Variants in CERT1 observed in about 807,000 individuals in gnomAD.
CERT1 encodes ceramide transfer protein.
A neutral mutation model predicts 87.9 loss-of-function variants in CERT1; 31 were observed. That is an observed-to-expected ratio of 0.35 (90% CI 0.27 to 0.48). The LOEUF is 0.48. Ranked by LOEUF, CERT1 falls within the 20% of genes least tolerant of loss-of-function variation. The pLI is 0.99. For missense variants in CERT1, 487 were observed against 758.0 expected, an observed-to-expected ratio of 0.64 and a Z score of 4.20; for synonymous variants, 289 against 250.9, an observed-to-expected ratio of 1.15 and a Z score of -1.44.
At chr5:75,488,639 A>G (rs1236037971) in intron 2 of CERT1, among the ~76,000 whole-genome samples, 1 of 151,818 alleles carries the variant, frequency 6.6e-6, no homozygotes, top group Non-Finnish European at 1.5e-5. Context: ...CTTGATCCAC[A>G]TTTTTTTTCT....
chr5:75,477,463 T>C (rs1580826177), intron 2 of CERT1, among the ~76,000 whole-genome samples: 1 of 151,852 alleles, frequency 6.6e-6, no homozygotes, highest in South Asian at 2.1e-4. Flanking sequence ...ATGAAAGACA[T>C]GAACTATGAT....
chr5:75,504,215 TTGATATGAATAATGATC>T (rs368679991), intron 2 of CERT1, among the ~76,000 whole-genome samples: 1 of 152,170 alleles, frequency 6.6e-6, no homozygotes, highest in African/African-American at 2.4e-5. Context: ...ATTCTGTCCA[TTGATATGAATAATGATC>T]TATCTCGGAA....
chr5:75,472,340 G>C (rs1765753154), intron 2 of CERT1, among the ~76,000 whole-genome samples: 1 of 152,156 alleles, frequency 6.6e-6, no homozygotes, highest in Non-Finnish European at 1.5e-5. Flanking sequence ...GAAAGCACAG[G>C]AGCAATGCTC....
At chr5:75,404,722 A>G (rs1762636012) in intron 8 of CERT1, among the ~76,000 whole-genome samples, 1 of 152,168 alleles carries the variant, frequency 6.6e-6, no homozygotes, top group Non-Finnish European at 1.5e-5. Flanking sequence ...GCATTTAAAA[A>G]TTCTGGCCAA....
rs150694323 is a variant in CERT1, at chr5:75,380,342, C to T, written c.1747+730G>A. Among the ~76,000 whole-genome samples the T allele has an allele frequency of 6.4e-4, 98 of 152,256 alleles. 1 individual carries two copies. The highest frequency in any genetic ancestry group is 2.3e-3 in the African/African-American group (95 of 41,566). ...ATGTCAAAGAGAAATAAATATGTAA[C>T]TAGCAACTAATAAGGACTAGGGGAA... On this transcript the variant is annotated intron_variant, in intron 16 of 16. Coordinates refer to ENST00000643780, the MANE Select transcript of CERT1 (RefSeq NM_001379029.1).
At chr5:75,423,529 C>G (rs1000464844) in intron 5 of CERT1, among the ~76,000 whole-genome samples, 3 of 152,112 alleles carry the variant, frequency 2.0e-5, no homozygotes, top group African/African-American at 7.2e-5. Flanking sequence ...CCCTTGAGGC[C>G]AGGAGTTTAA....
At chr5:75,437,536 C>A (rs1458919279) in intron 3 of CERT1, among the ~76,000 whole-genome samples, 1 of 151,984 alleles carries the variant, frequency 6.6e-6, no homozygotes, top group Non-Finnish European at 1.5e-5. Context: ...GAGGCCAAGG[C>A]AGGTGGATTA....
intron 7 of CERT1, among the ~76,000 whole-genome samples, chr5:75,412,893 CATTT>C (rs1486684743): frequency 6.6e-6 from 1 of 152,140 alleles, no homozygotes. Flanking sequence ...GGCTACACTA[CATTT>C]ATTTAAAAAT....
At chr5:75,504,757 T>C (rs1317650928) in intron 2 of CERT1, among the ~76,000 whole-genome samples, 1 of 151,918 alleles carries the variant, frequency 6.6e-6, no homozygotes, top group African/African-American at 2.4e-5. Flanking sequence ...AACACTTTTT[T>C]TTTTTTTTTT....
rs1762918967 is a variant in CERT1 at position 75,411,119 on chromosome 5, G to A, written c.838-16C>T. On this transcript the variant is annotated splice_polypyrimidine_tract_variant and intron_variant, in intron 7 of 16. Coordinates refer to ENST00000643780, the MANE Select transcript of CERT1 (RefSeq NM_001379029.1). ...TCTCAGTTTCCTATTAAAAAGAAGT[G>A]AAAAATCTGTAATTTGAGGCAGGCA... is the stretch of plus-strand genomic sequence containing the variant. 7.1e-7 allele frequency: 1 copy of A among 1,399,144 alleles called. No homozygotes were observed. Among genetic ancestry groups the A allele is most frequent in the Admixed American group, 2.1e-5 (1 of 48,760 alleles). The allele number at this position is 1,399,144 out of a possible 1,614,324, so 86.7% of individuals were successfully genotyped here.
At chr5:75,408,006 T>G (rs1762784323) in intron 8 of CERT1, among the ~76,000 whole-genome samples, 1 of 152,094 alleles carries the variant, frequency 6.6e-6, no homozygotes, top group Admixed American at 6.6e-5. Context: ...TCTCTAGAAC[T>G]TTTTCATCTT....
At chr5:75,372,828 G>T (rs146081020), downstream of CERT1, 2 of 152,076 alleles carry the variant, frequency 1.3e-5, no homozygotes, top group Non-Finnish European at 2.9e-5. Context: ...ATGATTTTCC[G>T]CTTTACAAAA....
chr5:75,496,996 T>C (rs564577448), intron 2 of CERT1, among the ~76,000 whole-genome samples: 10 of 151,662 alleles, frequency 6.6e-5, no homozygotes, highest in African/African-American at 2.4e-4. Context: ...AAAAAAGACA[T>C]AGAATAAGGA....
At chr5:75,373,072 A>G (rs1001232366), downstream of CERT1, 5 of 152,262 alleles carry the variant, frequency 3.3e-5, no homozygotes, top group African/African-American at 9.6e-5. Flanking sequence ...CAACAAAGAA[A>G]AGCATTTCAG....
downstream of CERT1, chr5:75,376,499 G>A (rs1026269614): frequency 3.3e-5 from 5 of 152,184 alleles, no homozygotes; most frequent in Admixed American, 1.3e-4. Context: ...AGCGAAGCAG[G>A]GTGATAAGCC....
Position 75,511,450 on chromosome 5 carries a change from C to T in CERT1, c.-243G>A, listed in dbSNP as rs1561318148. On this transcript the variant is annotated 5_prime_UTR_variant, in exon 1 of 17. Coordinates refer to ENST00000643780, the MANE Select transcript of CERT1 (RefSeq NM_001379029.1). ...CTACCCTTCCAGCCGTCAGCCGCCGCCGCCGTCGCCGTGACCCCTGCGTTG... is the reference window on the plus strand; with the variant it reads ...CTACCCTTCCAGCCGTCAGCCGCCGTCGCCGTCGCCGTGACCCCTGCGTTG... The T allele has an allele frequency of 6.5e-7, 1 of 1,533,126 alleles. No homozygotes were observed. Among genetic ancestry groups the T allele is most frequent in the Non-Finnish European group, 8.8e-7 (1 of 1,139,376 alleles). The allele number at this position is 1,533,126 out of a possible 1,614,324, so 95.0% of individuals were successfully genotyped here.
intron 2 of CERT1, among the ~76,000 whole-genome samples, chr5:75,490,354 T>C (rs1249297846): frequency 2.0e-5 from 3 of 152,096 alleles, no homozygotes; most frequent in Non-Finnish European, 4.4e-5. Context: ...ATAAAAAACC[T>C]TTTTTTCTTC....
chr5:75,374,793 C>G, downstream of CERT1: 1 of 543,022 alleles, frequency 1.8e-6, no homozygotes, highest in Admixed American at 1.9e-5. Context: ...CCATGACCCC[C>G]ACCAAAGCCC....
intron 3 of CERT1, among the ~76,000 whole-genome samples, chr5:75,430,536 T>C (rs1763819782): frequency 3.3e-5 from 5 of 152,152 alleles, no homozygotes; most frequent in Admixed American, 3.3e-4. Flanking sequence ...ATGGGGGCAC[T>C]GAATACAAAG....
Sources: gnomAD v4.1 joint callset for allele counts (sites outside exome capture counted in the v4.1 genomes callset) on GRCh38, gnomAD v4.1.1 for gene constraint, MANE v1.5 for transcripts, NCBI Gene and HGNC (gene_info 2026-07-23, HGNC 2026-07-21) for gene names.